Variants in TANC2 observed in about 807,000 individuals in gnomAD.
The protein encoded by TANC2 is protein TANC2.
A neutral mutation model predicts 210.5 loss-of-function variants in TANC2; 26 were observed. The observed-to-expected ratio is 0.12, with a 90% CI of 0.09 to 0.17. The LOEUF is 0.17. TANC2 is among the 10% of genes least tolerant of loss of function. The pLI is 1.00. For synonymous variants in TANC2, 931 were observed against 967.1 expected (o/e 0.96, Z 0.69); for missense variants, 2,129 against 2,608.9 (o/e 0.82, Z 4.01).
chr17:63,323,589 T>C (rs142787787), intron 11 of TANC2, among the ~76,000 whole-genome samples: 13 of 152,302 alleles, frequency 8.5e-5, no homozygotes, highest in Admixed American at 1.3e-4. Context: ...ACACACAAAA[T>C]TCACGAGACA....
chr17:63,124,844 C>T (rs2038644811), intron 4 of TANC2, among the ~76,000 whole-genome samples: 1 of 152,090 alleles, frequency 6.6e-6, no homozygotes, highest in Admixed American at 6.5e-5. Context: ...TCTGAGGGAT[C>T]TAGGTTGCTT....
intron 2 of TANC2, among the ~76,000 whole-genome samples, chr17:63,046,379 C>T (rs890105244): frequency 1.6e-5 from 2 of 126,372 alleles, no homozygotes; most frequent in African/African-American, 6.3e-5. Flanking sequence ...GTTGCCCAGG[C>T]TGGAGTGCAG....
exon 28 of TANC2, chr17:63,423,766 C>T (rs2049079993): frequency 6.6e-6 from 1 of 152,210 alleles, no homozygotes; most frequent in South Asian, 2.1e-4. Context: ...TGTCTCTGTG[C>T]TGAAAGCAAA....
chr17:62,995,849 A>G (rs901099717), intron 1 of TANC2, among the ~76,000 whole-genome samples: 1 of 152,162 alleles, frequency 6.6e-6, no homozygotes, highest in Non-Finnish European at 1.5e-5. Context: ...AGTCCTAGCT[A>G]CTCCGAGGCT....
In TANC2 at chr17:63,056,642, G is replaced by A. The variant is rs577680702; in HGVS notation, c.68-17301G>A. 2.0e-5 allele frequency among the ~76,000 whole-genome samples: 3 copies of A among 152,256 alleles called. No homozygotes were observed. In the East Asian group the frequency reaches 5.8e-4, roughly 29 times the overall value. ...TGCAGTGAGTTGAGATCATGCCACT[G>A]TACTCCAGCCTGGGTGACAGAGCGA... On this transcript the variant is annotated intron_variant, in intron 2 of 27. Transcript: ENST00000689528.
rs564858149 is a variant in TANC2 at position 63,271,441 on chromosome 17, T to TC, written c.1159+3568_1159+3569insC. Among the ~76,000 whole-genome samples, 110 of 151,684 alleles carry TC rather than the reference T, an allele frequency of 7.3e-4. 7 individuals carry two copies. In the East Asian group the frequency reaches 0.01, roughly 14 times the overall value. ...AATGACACTGAGCTCTTTTTCTTTTTTTTTTTTTTTAATTTTGCTTTAAGT... is the reference window on the plus strand; with the variant it reads ...AATGACACTGAGCTCTTTTTCTTTTTCTTTTTTTTTTAATTTTGCTTTAAGT... On this transcript the variant is annotated intron_variant, in intron 9 of 27. Transcript: ENST00000689528.
chr17:63,142,398 A>G (rs1355709439), intron 4 of TANC2, among the ~76,000 whole-genome samples: 1 of 152,160 alleles, frequency 6.6e-6, no homozygotes, highest in Non-Finnish European at 1.5e-5. Flanking sequence ...AGTTGTTATT[A>G]ATATGCCCTT....
intron 2 of TANC2, among the ~76,000 whole-genome samples, chr17:63,016,465 T>G (rs1330626121): frequency 6.6e-6 from 1 of 152,190 alleles, no homozygotes; most frequent in African/African-American, 2.4e-5. Flanking sequence ...ATTTTGTTGG[T>G]CTGTTCTTCC....
At chr17:63,288,221 C>T (rs2927295) in intron 9 of TANC2, among the ~76,000 whole-genome samples, 15,328 of 152,120 alleles carry the variant, frequency 0.1, 1,129 homozygotes, top group African/African-American at 0.2. Flanking sequence ...ATTCTCACTG[C>T]CTTGGTCTCC....
intron 8 of TANC2, among the ~76,000 whole-genome samples, chr17:63,247,402 GTTTGT>G (rs1274893177): frequency 6.6e-6 from 1 of 151,010 alleles, no homozygotes; most frequent in Non-Finnish European, 1.5e-5. Flanking sequence ...CGACATTGGG[GTTTGT>G]TTTAACTCAA....
intron 4 of TANC2, among the ~76,000 whole-genome samples, chr17:63,113,282 T>G (rs1844333009): frequency 1.3e-5 from 2 of 152,208 alleles, no homozygotes; most frequent in African/African-American, 4.8e-5. Flanking sequence ...TAGAAAATTA[T>G]GCACCCAAAT....
At chr17:63,140,693 G>A (rs2039257629) in intron 4 of TANC2, among the ~76,000 whole-genome samples, 1 of 152,128 alleles carries the variant, frequency 6.6e-6, no homozygotes, top group Non-Finnish European at 1.5e-5. Flanking sequence ...CGTTTTTATG[G>A]ATGATTTTAA....
intron 5 of TANC2, among the ~76,000 whole-genome samples, chr17:63,159,553 G>A (rs1197149452): frequency 6.6e-6 from 1 of 152,040 alleles, no homozygotes; most frequent in African/African-American, 2.4e-5. Context: ...TACAGCCATA[G>A]GTTCAACCAA....
chr17:63,155,101 C>G (rs1431587257), intron 5 of TANC2: 1 of 151,816 alleles, frequency 6.6e-6, no homozygotes, highest in African/African-American at 2.4e-5. Flanking sequence ...CTTTCTTGGG[C>G]AGCATGTATT....
intron 5 of TANC2, chr17:63,152,857 C>T (rs753596206): frequency 2.6e-5 from 4 of 152,058 alleles, no homozygotes; most frequent in Non-Finnish European, 4.4e-5. Context: ...TAATCTAAAG[C>T]TAAAGTCTTA....
At chr17:63,386,006 T>C (rs1397739078) in intron 15 of TANC2, among the ~76,000 whole-genome samples, 3 of 152,236 alleles carry the variant, frequency 2.0e-5, no homozygotes, top group Non-Finnish European at 4.4e-5. Context: ...TTCCTCATTT[T>C]ATCAAGCTGT....
intron 2 of TANC2, among the ~76,000 whole-genome samples, chr17:63,039,176 T>TA (rs1328161880): frequency 6.6e-6 from 1 of 152,184 alleles, no homozygotes; most frequent in Non-Finnish European, 1.5e-5. Flanking sequence ...AATTAAGACA[T>TA]ATCGTGTTAG....
chr17:63,002,794 T>A (rs906651574), intron 1 of TANC2, among the ~76,000 whole-genome samples: 2 of 152,210 alleles, frequency 1.3e-5, no homozygotes, highest in African/African-American at 4.8e-5. Flanking sequence ...TGTTGTGATT[T>A]ATCTGTGTTG....
At chr17:63,012,729 A>G (rs1026202463) in intron 2 of TANC2, among the ~76,000 whole-genome samples, 2 of 152,144 alleles carry the variant, frequency 1.3e-5, no homozygotes, top group Non-Finnish European at 2.9e-5. Flanking sequence ...ATAGCTCACT[A>G]TAACCTCAAA....
Sources: gnomAD v4.1 joint callset for allele counts (sites outside exome capture counted in the v4.1 genomes callset) on GRCh38, gnomAD v4.1.1 for gene constraint, MANE v1.5 for transcripts, NCBI Gene and HGNC (gene_info 2026-07-23, HGNC 2026-07-21) for gene names.